The following PTPRM variants were observed in gnomAD, a reference collection of about 807,000 sequenced individuals.
PTPRM encodes protein tyrosine phosphatase receptor type M.
PTPRM carries 47 observed loss-of-function variants against 186.7 expected under a neutral mutation model. The observed-to-expected ratio is 0.25, with a 90% CI of 0.20 to 0.32. The LOEUF (loss-of-function observed/expected upper bound fraction) is 0.32, where lower values mean the gene tolerates loss of function less well. Ranked by LOEUF, PTPRM falls within the 10% of genes least tolerant of loss-of-function variation. The pLI, the probability that PTPRM is intolerant of heterozygous loss-of-function variation, is 1.00. For synonymous variants in PTPRM, 668 were observed against 674.9 expected (o/e 0.99, Z 0.16); for missense variants, 1,494 against 1,865.0 (o/e 0.80, Z 3.66).
rs375562930 is a variant in PTPRM at position 8,343,374 on chromosome 18, G to C, written c.2957-49G>C. 1.9e-4 allele frequency: 293 copies of C among 1,567,382 alleles called. No individual in the cohort carries two copies. The African/African-American group carries it at 3.6e-3, about 19-fold the overall frequency. ...ATTTGTAAGCCCCGGAAATTTTCCA[G>C]TTGAAACTTACAACAAAAACAAAAA... On this transcript the variant is annotated intron_variant, in intron 22 of 32. Transcript: ENST00000580170.
rs560049633 is a variant in PTPRM, at chr18:7,615,102, G to T, written c.73+47211G>T. Among the ~76,000 whole-genome samples the T allele has an allele frequency of 2.0e-5, 3 of 152,176 alleles. No individual in the cohort carries two copies. In the South Asian group the frequency reaches 6.2e-4, roughly 32 times the overall value. ...ATTATAATTGAGAATTTTTAGGAAG[G>T]TTCTTCAAAATCGTTTGTTGCTTAA... On this transcript the variant is annotated intron_variant, in intron 1 of 32. Transcript: ENST00000580170.
At chr18:8,165,922 T>C (rs2093317065) in intron 14 of PTPRM, among the ~76,000 whole-genome samples, 3 of 152,156 alleles carry the variant, frequency 2.0e-5, no homozygotes, top group Non-Finnish European at 4.4e-5. Context: ...CACTTAGGGC[T>C]CGGGTCCCTC....
intron 1 of PTPRM, among the ~76,000 whole-genome samples, chr18:7,732,603 C>T (rs2040683765): frequency 6.6e-6 from 1 of 152,076 alleles, no homozygotes; most frequent in Admixed American, 6.6e-5. Flanking sequence ...GCCTTCTGGT[C>T]TCAAGTGATC....
chr18:8,246,795 C>T (rs911369659), intron 15 of PTPRM, among the ~76,000 whole-genome samples: 9 of 152,172 alleles, frequency 5.9e-5, no homozygotes, highest in African/African-American at 2.2e-4. Context: ...TGATTCTACA[C>T]TTTAAAAATA....
chr18:8,251,780 G>A (rs1358683024), intron 17 of PTPRM: 7 of 152,188 alleles, frequency 4.6e-5, no homozygotes, highest in Non-Finnish European at 1.0e-4. Flanking sequence ...TTTCTTCAGA[G>A]CTGAACTTCT....
At chr18:7,736,901 C>G (rs1568064257) in intron 1 of PTPRM, among the ~76,000 whole-genome samples, 1 of 152,080 alleles carries the variant, frequency 6.6e-6, no homozygotes, top group Non-Finnish European at 1.5e-5. Context: ...GAGTATAAAA[C>G]AATATAAAAT....
intron 2 of PTPRM, among the ~76,000 whole-genome samples, chr18:7,878,695 C>T (rs1219651201): frequency 1.3e-5 from 2 of 152,104 alleles, no homozygotes; most frequent in African/African-American, 4.8e-5. Context: ...TAGACTATCA[C>T]CAGATAGCTC....
chr18:8,247,345 AC>A (rs2094486611), intron 15 of PTPRM, among the ~76,000 whole-genome samples: 1 of 152,224 alleles, frequency 6.6e-6, no homozygotes, highest in South Asian at 2.1e-4. Context: ...ACTAAGGAAC[AC>A]GCATGGAGCA....
intron 2 of PTPRM, among the ~76,000 whole-genome samples, chr18:7,859,339 T>G (rs1271053914): frequency 6.6e-6 from 1 of 152,232 alleles, no homozygotes; most frequent in Non-Finnish European, 1.5e-5. Flanking sequence ...AATTCCCTGA[T>G]GCCCACTGCA....
intron 7 of PTPRM, among the ~76,000 whole-genome samples, chr18:8,000,802 CT>C (rs1355919846): frequency 3.3e-5 from 5 of 152,188 alleles, no homozygotes; most frequent in Non-Finnish European, 7.3e-5. Flanking sequence ...ACTAAATGTT[CT>C]TTCATAGGAA....
chr18:7,633,084 A>G (rs1395120085), intron 1 of PTPRM, among the ~76,000 whole-genome samples: 1 of 152,172 alleles, frequency 6.6e-6, no homozygotes, highest in African/African-American at 2.4e-5. Context: ...GAAAGCAGGA[A>G]AGTGCTCCTT....
intron 7 of PTPRM, among the ~76,000 whole-genome samples, chr18:8,013,446 A>G (rs1359202510): frequency 6.6e-6 from 1 of 152,198 alleles, no homozygotes; most frequent in African/African-American, 2.4e-5. Flanking sequence ...AAAGTAAGCT[A>G]GAGAAGATAA....
At chr18:7,943,990 T>G (rs1182762885) in intron 5 of PTPRM, among the ~76,000 whole-genome samples, 4 of 152,210 alleles carry the variant, frequency 2.6e-5, no homozygotes, top group Non-Finnish European at 5.9e-5. Flanking sequence ...GGGGCAATGT[T>G]GCTGACTGAC....
chr18:7,847,944 G>T (rs2046678176), intron 2 of PTPRM, among the ~76,000 whole-genome samples: 1 of 152,236 alleles, frequency 6.6e-6, no homozygotes, highest in Non-Finnish European at 1.5e-5. Context: ...AGAAGAGGAA[G>T]AATGAGTACT....
chr18:7,834,491 T>TGCACACACACACACACAC, intron 2 of PTPRM, among the ~76,000 whole-genome samples: 1 of 84,610 alleles, frequency 1.2e-5, no homozygotes, highest in African/African-American at 4.8e-5. Flanking sequence ...TATACAAGTA[T>TGCACACACACACACACAC]ACACACACAC....
At position 8,274,567 on chromosome 18, in the gene PTPRM, G is replaced by A. The variant is rs547302944; in HGVS notation, c.2754+21153G>A. On this transcript the variant is annotated intron_variant, in intron 19 of 32. Transcript: ENST00000580170. ...TGTCAGAACCATTTAATCAGTGCCTGAGCTGTGCTGGCATTGCTCTTGGAA... is the reference window on the plus strand; with the variant it reads ...TGTCAGAACCATTTAATCAGTGCCTAAGCTGTGCTGGCATTGCTCTTGGAA... Among the ~76,000 whole-genome samples, 5 of 152,204 alleles carry A rather than the reference G, an allele frequency of 3.3e-5. No individual in the cohort carries two copies. The East Asian group carries it at 9.7e-4, about 29-fold the overall frequency.
At chr18:7,746,988 A>C (rs2041007065) in intron 1 of PTPRM, among the ~76,000 whole-genome samples, 1 of 152,098 alleles carries the variant, frequency 6.6e-6, no homozygotes, top group Non-Finnish European at 1.5e-5. Flanking sequence ...GTGAACTCCC[A>C]GGGCTGTTTC....
At chr18:8,214,101 G>A (rs1288132598) in intron 14 of PTPRM, among the ~76,000 whole-genome samples, 1 of 152,136 alleles carries the variant, frequency 6.6e-6, no homozygotes, top group Admixed American at 6.5e-5. Context: ...GGACATTGGA[G>A]ACTCGGAGGG....
In PTPRM at chr18:7,568,082, G is replaced by A. The variant is rs1040750365; in HGVS notation, c.73+191G>A. 2.6e-5 allele frequency among the ~76,000 whole-genome samples: 4 copies of A among 151,914 alleles called. No individual in the cohort carries two copies. The highest frequency in any genetic ancestry group is 9.7e-5 in the African/African-American group (4 of 41,416). ...GGGCCGTGGGGCTGGCAGGCACCCA[G>A]TCCTCGGGCGGGCGGAGCGGACGGA... On this transcript the variant is annotated intron_variant, in intron 1 of 32. Transcript: ENST00000580170. This position sits in a 1 kb window ranked among gnomAD's most constrained non-coding sequence, Gnocchi z 5.1.
Sources: allele counts gnomAD v4.1 joint callset (sites outside exome capture counted in the v4.1 genomes callset), GRCh38; gene constraint gnomAD v4.1.1; non-coding constraint Gnocchi (gnomAD v3.1); transcripts MANE v1.5; gene names NCBI Gene and HGNC (gene_info 2026-07-23, HGNC 2026-07-21).